The following HOXB3 variants were observed in gnomAD, a reference collection of about 807,000 sequenced individuals.
HOXB3 encodes the protein homeobox B3.
In HOXB3, 17 loss-of-function variants were observed where a neutral mutation model predicts 29.2. The observed-to-expected ratio is 0.58, with a 90% CI of 0.40 to 0.87. The LOEUF is 0.87. Ranked by LOEUF, HOXB3 falls within the 40% of genes least tolerant of loss-of-function variation. The pLI, the probability that HOXB3 is intolerant of heterozygous loss-of-function variation, is 0.00. For synonymous variants in HOXB3, 317 were observed against 285.9 expected (o/e 1.11, Z -1.10); for missense variants, 637 against 616.3 (o/e 1.03, Z -0.35).
At position 48,550,681 on chromosome 17, in the gene HOXB3, C is replaced by A; in HGVS notation, c.949G>T (p.Ala317Ser). ...NYQPPLKGCGAPQKYPPTPAP... is the reference protein window; with the variant it reads ...NYQPPLKGCGSPQKYPPTPAP... Reference sequence around the variant, plus strand: ...GGGGTCGGAGGGTACTTCTGCGGGGCGCCGCAGCCTTTGAGAGGGGGCTGG... The same window carrying A: ...GGGGTCGGAGGGTACTTCTGCGGGGAGCCGCAGCCTTTGAGAGGGGGCTGG... Residue 317 changes from alanine (A) to serine (S), a missense_variant, in exon 5 of 5, where the codon GCC (alanine) becomes TCC (serine). Physicochemically the swap from Ala to Ser is moderately conservative, Grantham distance 99. Transcript: ENST00000498678. The A allele has an allele frequency of 6.5e-7, 1 of 1,531,740 alleles. No individual in the cohort carries two copies. The highest frequency in any genetic ancestry group is 1.3e-5 in the South Asian group (1 of 77,650). 94.9% of individuals were successfully genotyped at this position (1,531,740 alleles called of 1,614,324 possible). A position where few individuals can be genotyped will look rare whatever the true frequency, so the allele number is the denominator to read the frequency against.
At chr17:48,563,902 C>G (rs1364853519) in intron 2 of HOXB3, among the ~76,000 whole-genome samples, 1 of 151,696 alleles carries the variant, frequency 6.6e-6, no homozygotes, top group Non-Finnish European at 1.5e-5. Flanking sequence ...GTACCCACAG[C>G]CCCCAACTGC....
intron 2 of HOXB3, chr17:48,559,567 A>G (rs1451061652): frequency 3.3e-5 from 5 of 152,202 alleles, no homozygotes; most frequent in Non-Finnish European, 7.3e-5. Context: ...ACTCACCCGA[A>G]TCTCCATTTT....
rs779745643 is a variant in HOXB3, at chr17:48,550,402, G to T, written c.1228C>A (p.Leu410Ile). 6 of 1,614,110 alleles carry T rather than the reference G, an allele frequency of 3.7e-6. No individual in the cohort carries two copies. The highest frequency in any genetic ancestry group is 5.1e-6 in the Non-Finnish European group (6 of 1,180,030). The stretch of plus-strand genomic sequence containing the variant: ...GGAGGAGGCGCGTGGTGAGAGGAGA[G>T]GTCTGTGTAGGTGGGGTGGGGTTCG... ...PCEPHPTYTD[L>I]SSHHAPPPQG... The change falls in exon 5 of 5, where the codon CTC (leucine) becomes ATC (isoleucine). Residue 410 changes from leucine (L) to isoleucine (I), a missense_variant. Transcript: ENST00000498678.
At chr17:48,578,007 C>G in intron 1 of HOXB3, 3 of 1,160,940 alleles carry the variant, frequency 2.6e-6, no homozygotes, top group Non-Finnish European at 3.2e-6. Flanking sequence ...TGGCCGGGCT[C>G]CGGGAGGAGG....
intron 1 of HOXB3, chr17:48,578,203 G>A (rs2069834489): frequency 1.2e-6 from 2 of 1,613,590 alleles, no homozygotes; most frequent in East Asian, 2.2e-5. Flanking sequence ...TCTGGCCGCC[G>A]GCGTAGTACC....
intron 3 of HOXB3, 196 bp downstream of exon 3, chr17:48,555,335 G>GGGGA (rs2068924745): frequency 2.3e-5 from 11 of 470,714 alleles, no homozygotes; most frequent in South Asian, 1.3e-4. Context: ...AGAGAGAGAG[G>GGGGA]GAGAGAGAGA....
chr17:48,576,423 CTTTCTGTCTT>C (rs1236113514), intron 1 of HOXB3: 1 of 271,770 alleles, frequency 3.7e-6, no homozygotes, highest in African/African-American at 2.3e-5. Context: ...TCCTATTTCT[CTTTCTGTCTT>C]TTTCTTTCTT....
intron 2 of HOXB3, among the ~76,000 whole-genome samples, chr17:48,568,925 A>G (rs2144843265): frequency 6.6e-6 from 1 of 152,286 alleles, no homozygotes; most frequent in South Asian, 2.1e-4. Context: ...ATAAATTTAC[A>G]TGGACATATA....
rs549993737 is a variant in HOXB3, at chr17:48,559,145, C to T, written c.-246-3527G>A. Among the ~76,000 whole-genome samples the T allele has an allele frequency of 3.9e-3, 601 of 152,236 alleles. 3 individuals carry two copies. Among genetic ancestry groups the T allele is most frequent in the African/African-American group, 0.014 (563 of 41,540 alleles). ...CACTCGCTCTGGCACTTCTCTCCCC[C>T]ACCCCACTGGGTACCCAGTATCAGG... On this transcript the variant is annotated intron_variant, in intron 2 of 4. Transcript: ENST00000498678.
chr17:48,557,915 T>C (rs1263442181), intron 2 of HOXB3, among the ~76,000 whole-genome samples: 1 of 152,150 alleles, frequency 6.6e-6, no homozygotes, highest in African/African-American at 2.4e-5. Flanking sequence ...CTCTACACTC[T>C]GGTTAGAGAC....
intron 2 of HOXB3, among the ~76,000 whole-genome samples, chr17:48,559,227 CTCGGCGGCGGGA>C (rs1645978499): frequency 6.6e-6 from 1 of 152,124 alleles, no homozygotes; most frequent in Non-Finnish European, 1.5e-5. Flanking sequence ...CCTTCTAGAC[CTCGGCGGCGGGA>C]TCGTGCCTGT....
rs1253386078 is a variant in HOXB3, at chr17:48,549,271, A to T, written c.*1063T>A. ...ATATTTTAACAGGCTATAACCAATAAATATATATGAAAATGTTCACTAGAA... is the reference window on the plus strand; with the variant it reads ...ATATTTTAACAGGCTATAACCAATATATATATATGAAAATGTTCACTAGAA... On this transcript the variant is annotated 3_prime_UTR_variant, in exon 5 of 5. Coordinates refer to ENST00000498678, the MANE Select transcript of HOXB3 (RefSeq NM_001384749.1). 6.6e-6 allele frequency: 1 copy of T among 152,640 alleles called. No homozygotes were observed. The highest frequency in any genetic ancestry group is 1.5e-5 in the Non-Finnish European group (1 of 68,042). 9.5% of individuals were successfully genotyped at this position (152,640 alleles called of 1,614,324 possible). A position where few individuals can be genotyped will look rare whatever the true frequency, so the allele number is the denominator to read the frequency against.
intron 1 of HOXB3, among the ~76,000 whole-genome samples, chr17:48,589,189 A>AAAAGAAGAGGGAAAAAGAGAGG (rs1422635127): frequency 6.6e-6 from 1 of 152,234 alleles, no homozygotes; most frequent in Non-Finnish European, 1.5e-5. Flanking sequence ...GTGTGCCCAG[A>AAAAGAAGAGGGAAAAAGAGAGG]AAAGAAGAGG....
chr17:48,588,502 C>A lies in HOXB3; in HGVS notation c.-425+1623G>T, dbSNP rs568451148. Among the ~76,000 whole-genome samples the A allele has an allele frequency of 2.6e-5, 4 of 152,308 alleles. No individual in the cohort carries two copies. In the East Asian group the frequency reaches 7.7e-4, roughly 29 times the overall value. ...AAGTATATTAGAGTGAGGCCAGGGG[C>A]ACAATAGGAATGGGGTTCCCCTGGA... On this transcript the variant is annotated intron_variant, in intron 1 of 4. Transcript: ENST00000498678.
chr17:48,552,571 A>ACCCCCCCCCCCCCCCCCCCCCCCC lies in HOXB3; in HGVS notation c.-98_-97insGGGGGGGGGGGGGGGGGGGGGGGG, dbSNP rs59742556. 11 of 504,638 alleles carry ACCCCCCCCCCCCCCCCCCCCCCCC rather than the reference A, an allele frequency of 2.2e-5. No individual in the cohort carries two copies. Among genetic ancestry groups the ACCCCCCCCCCCCCCCCCCCCCCCC allele is most frequent in the African/African-American group, 8.1e-5 (2 of 24,692 alleles). 31.3% of individuals were successfully genotyped at this position (504,638 alleles called of 1,614,324 possible). A position where few individuals can be genotyped will look rare whatever the true frequency, so the allele number is the denominator to read the frequency against. On this transcript the variant is annotated 5_prime_UTR_variant, in exon 4 of 5. Transcript: ENST00000498678. ...CCCTGGGGGTCACGTGACACGCCGG[A>ACCCCCCCCCCCCCCCCCCCCCCCC]CCCCCCCCCCCCACCTCCCCTCTCT... is the stretch of plus-strand genomic sequence containing the variant.
chr17:48,577,605 C>G (rs1436573323), intron 1 of HOXB3, among the ~76,000 whole-genome samples: 1 of 152,172 alleles, frequency 6.6e-6, no homozygotes, highest in African/African-American at 2.4e-5. Flanking sequence ...ATCTCCCTGG[C>G]GAAAAAGTCG....
In HOXB3 at chr17:48,550,149, G is replaced by C. The variant is rs572159653; in HGVS notation, c.*185C>G. ...ATGGGTTGGCAGGCAGATGGAACAAGGGGTGGAAGACTTAAAAGCAACCTC... is the reference window on the plus strand; with the variant it reads ...ATGGGTTGGCAGGCAGATGGAACAACGGGTGGAAGACTTAAAAGCAACCTC... On this transcript the variant is annotated 3_prime_UTR_variant, in exon 5 of 5. Transcript: ENST00000498678. The C allele has an allele frequency of 4.4e-6, 3 of 678,186 alleles. No homozygotes were observed. Among genetic ancestry groups the C allele is most frequent in the Admixed American group, 5.9e-5 (2 of 33,920 alleles). The allele number at this position is 678,186 out of a possible 1,614,324, so 42.0% of individuals were successfully genotyped here. A position where few individuals can be genotyped will look rare whatever the true frequency, so the allele number is the denominator to read the frequency against.
rs1161045039 is a variant in HOXB3, at chr17:48,554,731, G to T, written c.-159+800C>A. 1 of 702,392 alleles carries T rather than the reference G, an allele frequency of 1.4e-6. No homozygotes were observed. Among genetic ancestry groups the T allele is most frequent in the Non-Finnish European group, 2.6e-6 (1 of 384,822 alleles). The allele number at this position is 702,392 out of a possible 1,614,324, so 43.5% of individuals were successfully genotyped here. A position where few individuals can be genotyped will look rare whatever the true frequency, so the allele number is the denominator to read the frequency against. The stretch of plus-strand genomic sequence containing the variant: ...ACCAGCCGGCCGAGGGCCGAGCCCC[G>T]CGGGCGGCAGCAAGTTTTGGGAGCT... On this transcript the variant is annotated intron_variant, in intron 3 of 4. Coordinates refer to ENST00000498678, the MANE Select transcript of HOXB3 (RefSeq NM_001384749.1). This position sits in a 1 kb window ranked among gnomAD's most constrained non-coding sequence, Gnocchi z 4.1.
intron 1 of HOXB3, among the ~76,000 whole-genome samples, chr17:48,587,445 C>T (rs149708946): frequency 7.6e-4 from 116 of 152,310 alleles, no homozygotes; most frequent in Non-Finnish European, 1.3e-3. Context: ...CCAGGTTGGT[C>T]CCCCAAGCTG....
Sources: gnomAD v4.1 joint callset for allele counts (sites outside exome capture counted in the v4.1 genomes callset) on GRCh38, gnomAD v4.1.1 for gene constraint, Gnocchi (gnomAD v3.1) non-coding constraint, MANE v1.5 for transcripts, NCBI Gene and HGNC (gene_info 2026-07-23, HGNC 2026-07-21) for gene names.